The following MAST2 variants were observed in gnomAD, a reference collection of about 807,000 sequenced individuals.
MAST2 encodes microtubule associated serine/threonine kinase 2.
Under a neutral mutation model 147.4 loss-of-function variants are expected in MAST2, and 70 were observed. The ratio of observed to expected loss-of-function variants is 0.47; its 90% CI spans 0.39 to 0.58. The LOEUF (loss-of-function observed/expected upper bound fraction) is 0.58. MAST2 is among the 20% of genes least tolerant of loss of function. The probability of loss-of-function intolerance (pLI) is 0.00; values close to 1 mark genes in which losing one functional copy is unlikely to be tolerated. For synonymous variants in MAST2, 869 were observed against 896.8 expected, an observed-to-expected ratio of 0.97 and a Z score of 0.55; for missense variants, 2,080 against 2,302.3, an observed-to-expected ratio of 0.90 and a Z score of 1.98.
At chr1:46,014,728 A>G (rs975235956) in intron 10 of MAST2, among the ~76,000 whole-genome samples, 1 of 152,080 alleles carries the variant, frequency 6.6e-6, no homozygotes, top group African/African-American at 2.4e-5. Flanking sequence ...TAATAATGGG[A>G]GACTTTAACA....
intron 4 of MAST2, among the ~76,000 whole-genome samples, chr1:45,930,255 A>G (rs1039680547): frequency 6.6e-6 from 1 of 151,748 alleles, no homozygotes; most frequent in South Asian, 2.1e-4. Flanking sequence ...TTTTTTTTGT[A>G]TTTTTAGTAG....
intron 4 of MAST2, among the ~76,000 whole-genome samples, chr1:45,937,571 G>A (rs979411447): frequency 4.6e-5 from 7 of 151,902 alleles, no homozygotes; most frequent in African/African-American, 1.7e-4. Flanking sequence ...CCAACGTGGT[G>A]AAGCCCCGTC....
intron 4 of MAST2, among the ~76,000 whole-genome samples, chr1:45,947,172 G>T (rs1382961316): frequency 1.3e-5 from 2 of 151,996 alleles, no homozygotes; most frequent in Admixed American, 6.6e-5. Context: ...GCTTCATAGG[G>T]TGTGAGATAC....
At chr1:45,831,330 CAT>C (rs748805511) in intron 3 of MAST2, among the ~76,000 whole-genome samples, 7 of 152,034 alleles carry the variant, frequency 4.6e-5, no homozygotes, top group Non-Finnish European at 7.4e-5. Context: ...TTTGGGTCAA[CAT>C]ATGTGGAGTA....
intron 3 of MAST2, among the ~76,000 whole-genome samples, chr1:45,880,157 G>T (rs1280095910): frequency 6.6e-6 from 1 of 152,112 alleles, no homozygotes; most frequent in African/African-American, 2.4e-5. Context: ...CAAAAAACAT[G>T]TTATAGGAAT....
chr1:46,032,601 G>A lies in MAST2; in HGVS notation c.3420G>A (p.Val1140=), dbSNP rs1488576978. The A allele has an allele frequency of 1.9e-6, 3 of 1,614,066 alleles. No individual in the cohort carries two copies. In the Admixed American group the frequency reaches 5.0e-5, roughly 27 times the overall value. Residue 1140 remains valine, a synonymous_variant, in exon 26 of 29, where the codon GTG becomes GTA. Transcript: ENST00000361297. The stretch of plus-strand genomic sequence containing the variant: ...CTGTTCTCTTCCTGGCACAGCACGT[G>A]GAGGATGGAGGTCCGGCCAGTGAGG... ...VYTVHHMVWH[V]EDGGPASEAG... is the part of the protein sequence containing the mutation.
chr1:45,937,171 A>G (rs1387747881), intron 4 of MAST2, among the ~76,000 whole-genome samples: 1 of 151,924 alleles, frequency 6.6e-6, no homozygotes. Context: ...CCTGGGCTCA[A>G]GTGATCCTTC....
chr1:46,000,079 C>T (rs961264125), intron 6 of MAST2, among the ~76,000 whole-genome samples: 3 of 152,076 alleles, frequency 2.0e-5, no homozygotes, highest in South Asian at 2.1e-4. Flanking sequence ...TTTGGGAGGC[C>T]GAAGCAGGCA....
intron 8 of MAST2, among the ~76,000 whole-genome samples, chr1:46,007,128 A>G (rs1395347606): frequency 6.6e-6 from 1 of 152,210 alleles, no homozygotes; most frequent in Non-Finnish European, 1.5e-5. Context: ...AGGTTAAGGA[A>G]GGTGATGGAG....
intron 3 of MAST2, among the ~76,000 whole-genome samples, chr1:45,834,006 A>G (rs373320553): frequency 7.2e-5 from 11 of 151,866 alleles, no homozygotes; most frequent in Admixed American, 3.9e-4. Flanking sequence ...TTAAATACCT[A>G]TTTCTGCTTT....
rs765881843 is a variant in MAST2, at chr1:46,023,573, G to A, written c.1572-199G>A. ...CTGAGCTCTGGGGAAGCATTGAGCC[G>A]TGTCATCAGGACATGGTCTATCAAG... On this transcript the variant is annotated intron_variant, in intron 14 of 28. Transcript: ENST00000361297. This position sits in a 1 kb window ranked among gnomAD's most constrained non-coding sequence, Gnocchi z 4.9. The A allele has an allele frequency of 9.1e-5, 57 of 625,766 alleles. No individual in the cohort carries two copies. Among genetic ancestry groups the A allele is most frequent in the Admixed American group, 2.0e-4 (7 of 34,506 alleles). 38.8% of individuals were successfully genotyped at this position (625,766 alleles called of 1,614,324 possible). A position where few individuals can be genotyped will look rare whatever the true frequency, so the allele number is the denominator to read the frequency against.
intron 4 of MAST2, among the ~76,000 whole-genome samples, chr1:45,894,093 G>T (rs918972761): frequency 6.6e-6 from 1 of 151,984 alleles, no homozygotes; most frequent in African/African-American, 2.4e-5. Flanking sequence ...GCGCACACCT[G>T]TGGTCCCAGC....
intron 3 of MAST2, among the ~76,000 whole-genome samples, chr1:45,882,132 C>T (rs752880176): frequency 6.8e-6 from 1 of 147,352 alleles, no homozygotes; most frequent in Non-Finnish European, 1.5e-5. Context: ...GTGGAGCTTG[C>T]AGTGAGCCAA....
intron 3 of MAST2, among the ~76,000 whole-genome samples, chr1:45,836,344 T>C (rs929764704): frequency 1.3e-5 from 2 of 152,168 alleles, no homozygotes; most frequent in Non-Finnish European, 2.9e-5. Flanking sequence ...TTAATAATAT[T>C]TTAGAACTGT....
rs376894719 is a variant in MAST2 at position 45,946,463 on chromosome 1, A to G, written c.501-12923A>G. ...CTCCCTCTCTTTATGTCTTTTCTTT[A>G]AAACCCTTGATTCCTTCCAAGTGTT... On this transcript the variant is annotated intron_variant, in intron 4 of 28. Coordinates refer to ENST00000361297, the MANE Select transcript of MAST2 (RefSeq NM_015112.3). Among the ~76,000 whole-genome samples the G allele has an allele frequency of 2.6e-5, 4 of 152,144 alleles. No homozygotes were observed. In the East Asian group the frequency reaches 7.7e-4, roughly 29 times the overall value.
chr1:45,867,353 CTT>C (rs1646196447), intron 3 of MAST2, among the ~76,000 whole-genome samples: 1 of 152,158 alleles, frequency 6.6e-6, no homozygotes, highest in Non-Finnish European at 1.5e-5. Flanking sequence ...TTTCCTAAAA[CTT>C]TTCCAGAAGA....
chr1:45,976,488 T>C (rs1283035180), intron 5 of MAST2, among the ~76,000 whole-genome samples: 1 of 152,110 alleles, frequency 6.6e-6, no homozygotes. Context: ...TCCCAGCTAC[T>C]CAGGGGCCAC....
intron 3 of MAST2, among the ~76,000 whole-genome samples, chr1:45,836,249 G>A (rs1645098175): frequency 6.6e-6 from 1 of 152,066 alleles, no homozygotes; most frequent in Non-Finnish European, 1.5e-5. Flanking sequence ...CTGCATCCTT[G>A]CCAGTACTTT....
chr1:46,032,800 A>C lies in MAST2; in HGVS notation c.3537+82A>C. On this transcript the variant is annotated intron_variant, in intron 26 of 28. Transcript: ENST00000361297. ...GTGATGGCAGTTAGGGGAGTGGGTG[A>C]GTTGGGTGCACACACATCTACACCG... 5 of 1,507,056 alleles carry C rather than the reference A, an allele frequency of 3.3e-6. No homozygotes were observed. The East Asian group carries it at 1.2e-4, about 35-fold the overall frequency. 93.4% of individuals were successfully genotyped at this position (1,507,056 alleles called of 1,614,324 possible).
Sources: allele counts gnomAD v4.1 joint callset (sites outside exome capture counted in the v4.1 genomes callset), GRCh38; gene constraint gnomAD v4.1.1; non-coding constraint Gnocchi (gnomAD v3.1); transcripts MANE v1.5; gene names NCBI Gene and HGNC (gene_info 2026-07-23, HGNC 2026-07-21).